SFI1: variants seen among roughly 807,000 people sequenced by gnomAD.
SFI1 encodes SFI1 centrin binding protein, also known as protein SFI1 homolog.
SFI1 carries 195 observed loss-of-function variants against 207.5 expected under a neutral mutation model. The ratio of observed to expected loss-of-function variants is 0.94; its 90% CI spans 0.84 to 1.06. The LOEUF is 1.06. SFI1 is among the 50% of genes least tolerant of loss of function. SFI1 has a pLI of 0.00. For missense variants in SFI1, 1,634 were observed against 1,588.0 expected (o/e 1.03, Z -0.49); for synonymous variants, 630 against 598.9 (o/e 1.05, Z -0.76).
chr22:31,602,149 A>T, intron 15 of SFI1, 63 bp from the exon 16 acceptor site: 1 of 1,355,280 alleles, frequency 7.4e-7, no homozygotes, highest in Non-Finnish European at 1.1e-6. Flanking sequence ...TGGAACTTCT[A>T]GTTCTGTTTG....
At chr22:31,572,976 C>T in intron 8 of SFI1, 82 bp from the exon 9 acceptor site, 4 of 1,416,164 alleles carry the variant, frequency 2.8e-6, no homozygotes, top group Non-Finnish European at 3.9e-6. Flanking sequence ...AGCGTGTGTG[C>T]CTTTCTCTTT....
chr22:31,533,659 A>C (rs932040642), intron 4 of SFI1, among the ~76,000 whole-genome samples: 1 of 152,110 alleles, frequency 6.6e-6, no homozygotes, highest in African/African-American at 2.4e-5. Flanking sequence ...TTTCAGCTGT[A>C]GCCTGTCCCA....
In SFI1 at chr22:31,513,803, AC is replaced by A. The variant is rs559589263; in HGVS notation, c.92+5428del. On this transcript the variant is annotated intron_variant, in intron 2 of 32. Coordinates refer to ENST00000400288, the MANE Select transcript of SFI1 (RefSeq NM_001007467.3). ...ACCATGTTGATCAGGCTGGTCTCAA[AC>A]TCCTGACCTCGTGATCCGCCCACCT... Among the ~76,000 whole-genome samples, 673 of 150,108 alleles carry A rather than the reference AC, an allele frequency of 4.5e-3. 5 individuals carry two copies. Among genetic ancestry groups the A allele is most frequent in the African/African-American group, 0.016 (641 of 40,966 alleles).
intron 4 of SFI1, among the ~76,000 whole-genome samples, chr22:31,545,584 A>T (rs9609319): frequency 0.45 from 65,452 of 144,438 alleles, 15,091 homozygotes; most frequent in East Asian, 0.6. Flanking sequence ...AATTTAATTT[A>T]ATTTTATTTT....
At chr22:31,530,202 A>AAAAAG (rs2058348229) in intron 3 of SFI1, among the ~76,000 whole-genome samples, 1 of 126,976 alleles carries the variant, frequency 7.9e-6, no homozygotes. Flanking sequence ...AAAAAAAAAA[A>AAAAAG]AGACAAGGCC....
At chr22:31,550,859 A>T (rs1036228542) in intron 6 of SFI1, among the ~76,000 whole-genome samples, 1 of 152,204 alleles carries the variant, frequency 6.6e-6, no homozygotes, top group Admixed American at 6.5e-5. Flanking sequence ...CAAAATGATA[A>T]TACAGGCTGC....
Position 31,585,113 on chromosome 22 carries a change from T to C in SFI1, c.1392T>C (p.Thr464=). 6.2e-7 allele frequency: 1 copy of C among 1,614,096 alleles called. No homozygotes were observed. Among genetic ancestry groups the C allele is most frequent in the Non-Finnish European group, 8.5e-7 (1 of 1,179,984 alleles). ...CKCIELWLQY[T]QKRRYKQLLQ... ...GTATCGAATTGTGGCTACAGTATAC[T>C]CAGAAGAGGCGGTACAAGCAGGTAT... The change falls in exon 14 of 33, where the codon ACT becomes ACC. Residue 464 remains threonine (T), a synonymous_variant. Transcript: ENST00000400288.
intron 10 of SFI1, among the ~76,000 whole-genome samples, chr22:31,576,695 A>G (rs1279281049): frequency 6.7e-6 from 1 of 149,232 alleles, no homozygotes; most frequent in Non-Finnish European, 1.5e-5. Flanking sequence ...GCTGGAGTGC[A>G]ATGGCCCAAT....
At chr22:31,502,653 C>T (rs1412134727) in intron 1 of SFI1, among the ~76,000 whole-genome samples, 5 of 152,108 alleles carry the variant, frequency 3.3e-5, no homozygotes, top group East Asian at 1.9e-4. Context: ...GGATTACAGG[C>T]GTGAGCCACT....
intron 2 of SFI1, among the ~76,000 whole-genome samples, chr22:31,518,827 G>T (rs1392506864): frequency 6.6e-6 from 1 of 152,140 alleles, no homozygotes; most frequent in Non-Finnish European, 1.5e-5. Flanking sequence ...TTAGGCAGAG[G>T]GTACCTGTCT....
chr22:31,532,016 G>A (rs1041643112), intron 4 of SFI1, among the ~76,000 whole-genome samples: 2 of 151,950 alleles, frequency 1.3e-5, no homozygotes, highest in Non-Finnish European at 2.9e-5. Flanking sequence ...AGCCGAGATC[G>A]CGCCATTGCA....
chr22:31,553,836 ATG>A (rs2060875305), intron 6 of SFI1, among the ~76,000 whole-genome samples: 5 of 21,972 alleles, frequency 2.3e-4, no homozygotes, highest in Non-Finnish European at 4.1e-4. Context: ...TTAATGGATT[ATG>A]TTTTTTTTTT....
chr22:31,585,604 C>G (rs928650108), intron 14 of SFI1, among the ~76,000 whole-genome samples: 1 of 152,162 alleles, frequency 6.6e-6, no homozygotes, highest in Non-Finnish European at 1.5e-5. Flanking sequence ...TTAAGAAATA[C>G]TTATTGAGCA....
At chr22:31,516,875 A>T (rs556452811) in intron 2 of SFI1, among the ~76,000 whole-genome samples, 1 of 151,974 alleles carries the variant, frequency 6.6e-6, no homozygotes, top group Non-Finnish European at 1.5e-5. Context: ...AATCGCTTGA[A>T]CCTGGGAGGC....
intron 15 of SFI1, among the ~76,000 whole-genome samples, chr22:31,598,471 G>A (rs1770213975): frequency 6.6e-6 from 1 of 151,860 alleles, no homozygotes; most frequent in Non-Finnish European, 1.5e-5. Context: ...CCAGGCTGGA[G>A]TGCAGTGGCG....
chr22:31,618,424 T>A lies in SFI1; in HGVS notation c.*6T>A, dbSNP rs558211912. On this transcript the variant is annotated 3_prime_UTR_variant, in exon 33 of 33. Transcript: ENST00000400288. Reference sequence around the variant, plus strand: ...TGCGGCAGGCCCTGTGCTAGCGTGTTCGCACCAGGAACGCAGGTGCTGGGC... The same window carrying A: ...TGCGGCAGGCCCTGTGCTAGCGTGTACGCACCAGGAACGCAGGTGCTGGGC... The A allele has an allele frequency of 2.0e-5, 31 of 1,563,018 alleles. No individual in the cohort carries two copies. The highest frequency in any genetic ancestry group is 2.2e-5 in the Non-Finnish European group (25 of 1,150,312).
intron 7 of SFI1, chr22:31,559,538 A>G: frequency 1.7e-6 from 1 of 582,624 alleles, no homozygotes; most frequent in Non-Finnish European, 3.2e-6. Context: ...CTCAACAGCA[A>G]CATCAACGGG....
At chr22:31,589,674 C>T in intron 15 of SFI1, 97 bp downstream of exon 15, 3 of 1,359,042 alleles carry the variant, frequency 2.2e-6, no homozygotes, top group Non-Finnish European at 2.0e-6. Context: ...GCTTCCCAGA[C>T]CCCAGGCCCT....
intron 2 of SFI1, among the ~76,000 whole-genome samples, chr22:31,514,968 C>T (rs937082532): frequency 2.0e-5 from 3 of 152,052 alleles, no homozygotes; most frequent in African/African-American, 7.2e-5. Flanking sequence ...GACAGGGTTT[C>T]ACCATGTTGG....
Sources: gnomAD v4.1 joint callset for allele counts (sites outside exome capture counted in the v4.1 genomes callset) on GRCh38, gnomAD v4.1.1 for gene constraint, MANE v1.5 for transcripts, NCBI Gene and HGNC (gene_info 2026-07-23, HGNC 2026-07-21) for gene names.